The following B4GALNT2 variants were observed in gnomAD, a reference collection of about 807,000 sequenced individuals.
B4GALNT2 encodes the protein beta-1,4-N-acetyl-galactosaminyltransferase 2 (SID blood group).
Under a neutral mutation model 51.1 loss-of-function variants are expected in B4GALNT2, and 42 were observed. That is an observed-to-expected ratio of 0.82 (90% confidence interval 0.64 to 1.06). The LOEUF (loss-of-function observed/expected upper bound fraction) is 1.06. Ranked by LOEUF, B4GALNT2 falls within the 50% of genes least tolerant of loss-of-function variation. The pLI is 0.00. For missense variants in B4GALNT2, 602 were observed against 633.6 expected (o/e 0.95, Z 0.54); for synonymous variants, 253 against 251.7 (o/e 1.01, Z -0.05).
chr17:49,173,024 T>G lies in B4GALNT2; in HGVS notation c.*3296T>G, dbSNP rs2042966947. The G allele has an allele frequency of 6.6e-6, 1 of 152,254 alleles. No homozygotes were observed. Among genetic ancestry groups the G allele is most frequent in the Non-Finnish European group, 1.5e-5 (1 of 68,042 alleles). 9.4% of individuals were successfully genotyped at this position (152,254 alleles called of 1,614,324 possible). On this transcript the variant is annotated 3_prime_UTR_variant, in exon 11 of 11. Coordinates refer to ENST00000393354, the MANE Select transcript of B4GALNT2 (RefSeq NM_001159387.2). ...TTTCCAGGTAATGCCGTATCTGTGT[T>G]TGAGACCAGAGGCATTAACATAGGT...
Position 49,166,176 on chromosome 17 carries a change from G to T in B4GALNT2, c.1017G>T (p.Val339=). 1 of 1,614,124 alleles carries T rather than the reference G, an allele frequency of 6.2e-7. No homozygotes were observed. The highest frequency in any genetic ancestry group is 2.2e-5 in the East Asian group (1 of 44,892). Residue 339 remains valine, a synonymous_variant, in exon 9 of 11, where the codon GTG becomes GTT. Coordinates refer to ENST00000393354, the MANE Select transcript of B4GALNT2 (RefSeq NM_001159387.2). ...SQVTTKYVLW[V]DDDFLFNEET... ...TCACCACCAAATACGTTCTCTGGGT[G>T]GACGATGATTTTCTCTTCAACGAGG...
chr17:49,160,761 C>T, intron 7 of B4GALNT2, 120 bp downstream of exon 7: 1 of 899,048 alleles, frequency 1.1e-6, no homozygotes, highest in Non-Finnish European at 1.8e-6. Context: ...TGATATGCTC[C>T]CTGACAAGCT....
chr17:49,151,758 A>AAT, intron 3 of B4GALNT2, among the ~76,000 whole-genome samples: 1 of 152,046 alleles, frequency 6.6e-6, no homozygotes, highest in Non-Finnish European at 1.5e-5. Context: ...AAAAAAAAAA[A>AAT]AATCGTTATC....
At chr17:49,135,043 T>C (rs1056733352) in intron 1 of B4GALNT2, among the ~76,000 whole-genome samples, 1 of 152,250 alleles carries the variant, frequency 6.6e-6, no homozygotes, top group African/African-American at 2.4e-5. Flanking sequence ...TATAAATTAC[T>C]CTGTGGTATA....
Position 49,173,981 on chromosome 17 carries a change from T to C in B4GALNT2, c.*4253T>C, listed in dbSNP as rs1196336121. ...GGTTAGAAAATGGCATAGGTAGGAA[T>C]GCCTAGAGTAGGTCATATCCAATTA... On this transcript the variant is annotated 3_prime_UTR_variant, in exon 11 of 11. Transcript: ENST00000393354. 1 of 146,724 alleles carries C rather than the reference T, an allele frequency of 6.8e-6. No homozygotes were observed. Among genetic ancestry groups the C allele is most frequent in the South Asian group, 2.2e-4 (1 of 4,566 alleles). The allele number at this position is 146,724 out of a possible 1,614,324, so 9.1% of individuals were successfully genotyped here.
At chr17:49,163,442 C>T (rs1372135932) in intron 7 of B4GALNT2, among the ~76,000 whole-genome samples, 1 of 25,934 alleles carries the variant, frequency 3.9e-5, no homozygotes, top group Non-Finnish European at 7.4e-5. Flanking sequence ...GGGCAAAGCT[C>T]TGTGCATTTC....
Position 49,169,843 on chromosome 17 carries a change from G to A in B4GALNT2, c.*115G>A, listed in dbSNP as rs1567869064. 6 of 1,046,418 alleles carry A rather than the reference G, an allele frequency of 5.7e-6. No individual in the cohort carries two copies. In the Admixed American group the frequency reaches 1.6e-4, roughly 27 times the overall value. 64.8% of individuals were successfully genotyped at this position (1,046,418 alleles called of 1,614,324 possible). A position where few individuals can be genotyped will look rare whatever the true frequency, so the allele number is the denominator to read the frequency against. ...TGTACCAAACCAGCTGGTGGGTAGG[G>A]AAAAGGGAAATGGCTCAGTTACTGG... is the stretch of plus-strand genomic sequence containing the variant. On this transcript the variant is annotated 3_prime_UTR_variant, in exon 11 of 11. Transcript: ENST00000393354.
chr17:49,160,328 C>T (rs1022563806), intron 6 of B4GALNT2, among the ~76,000 whole-genome samples: 1 of 152,168 alleles, frequency 6.6e-6, no homozygotes, highest in Non-Finnish European at 1.5e-5. Context: ...CTAACACATT[C>T]TCACAGGGGA....
At chr17:49,128,269 A>G (rs2042520430), upstream of B4GALNT2, among the ~76,000 whole-genome samples, 1 of 152,172 alleles carries the variant, frequency 6.6e-6, no homozygotes, top group Non-Finnish European at 1.5e-5. Context: ...AGAATGGCAG[A>G]GATGATTTGA....
chr17:49,129,752 A>G (rs1358689841), upstream of B4GALNT2, among the ~76,000 whole-genome samples: 1 of 152,104 alleles, frequency 6.6e-6, no homozygotes, highest in Non-Finnish European at 1.5e-5. Context: ...GTCTCTGGTC[A>G]GAGGAGAGGT....
intron 1 of B4GALNT2, among the ~76,000 whole-genome samples, chr17:49,138,705 C>T (rs1471191144): frequency 6.6e-6 from 1 of 152,122 alleles, no homozygotes; most frequent in African/African-American, 2.4e-5. Flanking sequence ...GGTGAAACCC[C>T]GTCTCCACTA....
intron 1 of B4GALNT2, among the ~76,000 whole-genome samples, chr17:49,133,785 T>C (rs2042563730): frequency 6.6e-6 from 1 of 152,150 alleles, no homozygotes; most frequent in Non-Finnish European, 1.5e-5. Context: ...TGGTGGCAAG[T>C]GCCTGTAATC....
chr17:49,136,534 ATTTATTTAT>A (rs2042591785), intron 1 of B4GALNT2, among the ~76,000 whole-genome samples: 1 of 150,166 alleles, frequency 6.7e-6, no homozygotes, highest in Admixed American at 6.6e-5. Flanking sequence ...TTATTTATTT[ATTTATTTAT>A]TTATTTATTT....
chr17:49,141,418 C>T lies in B4GALNT2; in HGVS notation c.186C>T (p.Leu62=). The change falls in exon 2 of 11, where the codon CTC becomes CTT. Residue 62 remains leucine (L), a synonymous_variant. Coordinates refer to ENST00000393354, the MANE Select transcript of B4GALNT2 (RefSeq NM_001159387.2). ...TGAAGCTTCTGCCTGAGGAACGTCT[C>T]AGGAACCTCTTTTCCTACGATGGAA... ...QKLKLLPEER[L]RNLFSYDGIW... 1 of 1,614,160 alleles carries T rather than the reference C, an allele frequency of 6.2e-7. No homozygotes were observed. The highest frequency in any genetic ancestry group is 1.3e-5 in the African/African-American group (1 of 75,040).
At chr17:49,128,120 A>G (rs2042519578), upstream of B4GALNT2, among the ~76,000 whole-genome samples, 1 of 152,174 alleles carries the variant, frequency 6.6e-6, no homozygotes, top group Non-Finnish European at 1.5e-5. Context: ...GGATTGGGTT[A>G]TGTGCGGGAA....
chr17:49,152,730 C>A, intron 3 of B4GALNT2, 70 bp from the exon 4 acceptor site: 1 of 1,110,632 alleles, frequency 9.0e-7, no homozygotes, highest in South Asian at 1.4e-5. Context: ...TGTGCACAGG[C>A]ACCACTTTGA....
chr17:49,161,829 C>T (rs2042867791), intron 7 of B4GALNT2, among the ~76,000 whole-genome samples: 1 of 150,988 alleles, frequency 6.6e-6, no homozygotes, highest in South Asian at 2.1e-4. Context: ...TGCACTCCAG[C>T]CTGAGCAACA....
At chr17:49,164,500 A>AT (rs3086766) in intron 8 of B4GALNT2, among the ~76,000 whole-genome samples, 8 of 114,998 alleles carry the variant, frequency 7.0e-5, no homozygotes, top group South Asian at 2.9e-4. Flanking sequence ...ACCTTTCCTC[A>AT]TTTTTTTTTT....
At chr17:49,155,255 A>G (rs112304181) in intron 4 of B4GALNT2, among the ~76,000 whole-genome samples, 10,723 of 142,926 alleles carry the variant, frequency 0.075, 488 homozygotes, top group South Asian at 0.15. Context: ...CTGAGATCAC[A>G]CCACTGCACT....
Sources: gnomAD v4.1 joint callset for allele counts (sites outside exome capture counted in the v4.1 genomes callset) on GRCh38, gnomAD v4.1.1 for gene constraint, MANE v1.5 for transcripts, NCBI Gene and HGNC (gene_info 2026-07-23, HGNC 2026-07-21) for gene names.